The following NEK11 variants were observed in gnomAD, a reference collection of about 807,000 sequenced individuals.
NEK11 encodes NIMA related kinase 11.
A neutral mutation model predicts 80.7 loss-of-function variants in NEK11; 72 were observed. That is an observed-to-expected ratio of 0.89 (90% CI 0.74 to 1.08). The LOEUF (loss-of-function observed/expected upper bound fraction) is 1.08, where lower values mean the gene tolerates loss of function less well. Ranked by LOEUF, NEK11 falls within the 50% of genes least tolerant of loss-of-function variation. The probability of loss-of-function intolerance (pLI) is 0.00; values close to 1 mark genes in which losing one functional copy is unlikely to be tolerated. For missense variants in NEK11, 764 were observed against 763.6 expected, an observed-to-expected ratio of 1.00 and a Z score of -0.01; for synonymous variants, 251 against 260.7, an observed-to-expected ratio of 0.96 and a Z score of 0.36.
At chr3:131,131,863 G>A (rs1438389318) in intron 5 of NEK11, among the ~76,000 whole-genome samples, 1 of 151,798 alleles carries the variant, frequency 6.6e-6, no homozygotes, top group Non-Finnish European at 1.5e-5. Context: ...TCTAAGCACT[G>A]CTTTTGCTAT....
intron 11 of NEK11, among the ~76,000 whole-genome samples, chr3:131,163,666 A>G (rs1458103372): frequency 1.3e-5 from 2 of 152,238 alleles, no homozygotes. Context: ...ATTGTACAGC[A>G]TGGTGACTGT....
intron 17 of NEK11, among the ~76,000 whole-genome samples, chr3:131,292,831 G>C (rs749483357): frequency 6.6e-6 from 1 of 151,886 alleles, no homozygotes; most frequent in Non-Finnish European, 1.5e-5. Context: ...ATTTATACCT[G>C]TTTCATTTTG....
intron 3 of NEK11, among the ~76,000 whole-genome samples, chr3:131,052,134 G>GTTTTTTTTTTT (rs34528776): frequency 7.4e-4 from 94 of 127,128 alleles, no homozygotes; most frequent in Non-Finnish European, 1.1e-3. Flanking sequence ...GGTTTTTTTT[G>GTTTTTTTTTTT]TTTTTTTTTT....
chr3:131,057,545 A>C, intron 3 of NEK11, among the ~76,000 whole-genome samples: 1 of 151,776 alleles, frequency 6.6e-6, no homozygotes, highest in East Asian at 1.9e-4. Flanking sequence ...CCTCTCCAGC[A>C]CCTGTTGTTT....
intron 14 of NEK11, among the ~76,000 whole-genome samples, chr3:131,195,410 G>A (rs2150322272): frequency 6.7e-6 from 1 of 149,348 alleles, no homozygotes; most frequent in South Asian, 2.2e-4. Context: ...TGTTCTCTGG[G>A]TGTGCCCACA....
intron 16 of NEK11, among the ~76,000 whole-genome samples, chr3:131,268,923 C>T (rs1277645761): frequency 6.6e-6 from 1 of 152,234 alleles, no homozygotes; most frequent in African/African-American, 2.4e-5. Flanking sequence ...TATCTTTAAT[C>T]CCCTGACTGG....
At chr3:131,193,220 A>G (rs2093871068) in intron 14 of NEK11, among the ~76,000 whole-genome samples, 1 of 152,164 alleles carries the variant, frequency 6.6e-6, no homozygotes, top group African/African-American at 2.4e-5. Context: ...GACTAGCCTA[A>G]GAGAAGGCAG....
chr3:131,238,064 A>G (rs2095461457), intron 15 of NEK11, among the ~76,000 whole-genome samples: 1 of 152,152 alleles, frequency 6.6e-6, no homozygotes, highest in African/African-American at 2.4e-5. Flanking sequence ...AGTTTCTGGA[A>G]CACACCAAGC....
intron 15 of NEK11, among the ~76,000 whole-genome samples, chr3:131,236,498 G>A (rs2095433407): frequency 6.6e-6 from 1 of 152,162 alleles, no homozygotes; most frequent in South Asian, 2.1e-4. Flanking sequence ...GACTTGCCGA[G>A]AACCTGGGCA....
intron 15 of NEK11, among the ~76,000 whole-genome samples, chr3:131,243,079 G>A (rs141806267): frequency 6.6e-6 from 1 of 152,148 alleles, no homozygotes; most frequent in Admixed American, 6.6e-5. Flanking sequence ...TATTCTAATA[G>A]CATTTACTAT....
At chr3:131,179,293 A>G (rs532994600) in intron 14 of NEK11, among the ~76,000 whole-genome samples, 35 of 152,310 alleles carry the variant, frequency 2.3e-4, no homozygotes, top group African/African-American at 8.2e-4. Flanking sequence ...TTCTTTATAA[A>G]TTACCCAGTC....
intron 3 of NEK11, among the ~76,000 whole-genome samples, chr3:131,046,376 A>T (rs1197702278): frequency 6.6e-6 from 1 of 152,130 alleles, no homozygotes; most frequent in Non-Finnish European, 1.5e-5. Context: ...GCTTAGTTTC[A>T]CTGAATACAA....
At chr3:131,112,789 G>A (rs74825269) in intron 5 of NEK11, among the ~76,000 whole-genome samples, 2,143 of 152,212 alleles carry the variant, frequency 0.014, 43 homozygotes, top group African/African-American at 0.049. Flanking sequence ...GGGAAAACAT[G>A]GAACTTTTAG....
chr3:131,159,413 A>G (rs2091222482), intron 10 of NEK11, among the ~76,000 whole-genome samples: 1 of 152,232 alleles, frequency 6.6e-6, no homozygotes, highest in Non-Finnish European at 1.5e-5. Context: ...AGGAGCTGAC[A>G]GAAAAATAGC....
chr3:131,329,589 C>T (rs1406912219), intron 17 of NEK11: 1 of 151,702 alleles, frequency 6.6e-6, no homozygotes, highest in African/African-American at 2.4e-5. Context: ...GAAGAAAATA[C>T]AAAAGCAGAG....
At chr3:131,052,126 T>G (rs974743961) in intron 3 of NEK11, among the ~76,000 whole-genome samples, 12 of 42,782 alleles carry the variant, frequency 2.8e-4, no homozygotes, top group African/African-American at 6.7e-4. Flanking sequence ...ACACTTCTGG[T>G]TTTTTTTGTT....
At chr3:131,272,946 C>A (rs989292709) in intron 16 of NEK11, among the ~76,000 whole-genome samples, 7 of 152,204 alleles carry the variant, frequency 4.6e-5, no homozygotes, top group Non-Finnish European at 8.8e-5. Flanking sequence ...ACCCTCTGAA[C>A]ACAACTTTGG....
intron 4 of NEK11, among the ~76,000 whole-genome samples, chr3:131,087,235 CT>C (rs59630167): frequency 0.31 from 25,275 of 80,620 alleles, 1,318 homozygotes; most frequent in Middle Eastern, 0.46. Flanking sequence ...TATGCAAATT[CT>C]TTTTTTTTTT....
intron 3 of NEK11, among the ~76,000 whole-genome samples, chr3:131,033,525 C>A (rs1053724390): frequency 6.6e-6 from 1 of 152,150 alleles, no homozygotes; most frequent in Non-Finnish European, 1.5e-5. Context: ...GTTTGTAGGA[C>A]TTATGACTAG....
Sources: allele counts gnomAD v4.1 joint callset (sites outside exome capture counted in the v4.1 genomes callset), GRCh38; gene constraint gnomAD v4.1.1; transcripts MANE v1.5; gene names NCBI Gene and HGNC (gene_info 2026-07-23, HGNC 2026-07-21).